The following DGAT2 variants were observed in gnomAD, a reference collection of about 807,000 sequenced individuals.
The protein encoded by DGAT2 is diacylglycerol O-acyltransferase 2, also known as acyl-CoA retinol O-fatty-acyltransferase.
Under a neutral mutation model 48.4 loss-of-function variants are expected in DGAT2, and 33 were observed. That is an observed-to-expected ratio of 0.68 (90% CI 0.52 to 0.91). The LOEUF (loss-of-function observed/expected upper bound fraction) is 0.91, where lower values mean the gene tolerates loss of function less well. DGAT2 is among the 40% of genes least tolerant of loss of function. DGAT2 has a pLI of 0.00. For synonymous variants in DGAT2, 191 were observed against 194.1 expected (o/e 0.98, Z 0.13); for missense variants, 446 against 493.7 (o/e 0.90, Z 0.92).
At chr11:75,797,912 G>A (rs1945073659) in intron 6 of DGAT2, among the ~76,000 whole-genome samples, 1 of 152,190 alleles carries the variant, frequency 6.6e-6, no homozygotes, top group Admixed American at 6.5e-5. Context: ...GTTTGGTGGA[G>A]GGACCAAGAG....
chr11:75,769,144 G>A (rs1328414501), intron 1 of DGAT2, 32 bp downstream of exon 1: 2 of 1,522,642 alleles, frequency 1.3e-6, no homozygotes, highest in Non-Finnish European at 1.7e-6. Flanking sequence ...TTATGGACCT[G>A]CGAGAAGATT....
At chr11:75,790,839 C>A in intron 4 of DGAT2, 108 bp downstream of exon 4, 1 of 1,092,348 alleles carries the variant, frequency 9.2e-7, no homozygotes, top group Non-Finnish European at 1.4e-6. Context: ...TTGGTCTCTT[C>A]ATTTCCTTTC....
At chr11:75,781,926 TGAA>T (rs1211073265) in intron 1 of DGAT2, among the ~76,000 whole-genome samples, 1 of 152,220 alleles carries the variant, frequency 6.6e-6, no homozygotes, top group Non-Finnish European at 1.5e-5. Context: ...TTAGGCACGA[TGAA>T]GAATTTTTAG....
At chr11:75,777,986 G>A (rs1944818794) in intron 1 of DGAT2, among the ~76,000 whole-genome samples, 1 of 152,114 alleles carries the variant, frequency 6.6e-6, no homozygotes, top group Admixed American at 6.5e-5. Flanking sequence ...TCTGACTTGG[G>A]CATCCAGGCC....
Position 75,797,179 on chromosome 11 carries a change from A to T in DGAT2, c.656A>T (p.Asp219Val). 3 of 1,507,840 alleles carry T rather than the reference A, an allele frequency of 2.0e-6. No individual in the cohort carries two copies. The South Asian group carries it at 3.9e-5, about 20-fold the overall frequency. The allele number at this position is 1,507,840 out of a possible 1,614,324, so 93.4% of individuals were successfully genotyped here. The change falls in exon 6 of 8, where the codon GAC becomes GTC. Residue 219 changes from aspartate to valine, a missense_variant. By Grantham distance (152) the Asp-to-Val change is radical (BLOSUM62 -3). Coordinates refer to ENST00000228027, the MANE Select transcript of DGAT2 (RefSeq NM_032564.5). ...TCAGGTATCTGCCCTGTCAGCCGGGACACCATAGACTATTTGCTTTCAAAG... is the reference window on the plus strand; with the variant it reads ...TCAGGTATCTGCCCTGTCAGCCGGGTCACCATAGACTATTTGCTTTCAAAG... The part of the protein sequence containing the change: ...MSGGICPVSR[D>V]TIDYLLSKNG...
chr11:75,792,029 C>G (rs1010205480), intron 4 of DGAT2: 1 of 152,304 alleles, frequency 6.6e-6, no homozygotes, highest in African/African-American at 2.4e-5. Flanking sequence ...TCTCTCACCT[C>G]AGGGGCCAGG....
At chr11:75,790,492 C>T (rs1944975898) in intron 3 of DGAT2, among the ~76,000 whole-genome samples, 169 bp from the exon 4 acceptor site, 1 of 152,072 alleles carries the variant, frequency 6.6e-6, no homozygotes, top group African/African-American at 2.4e-5. Flanking sequence ...CACACTCAGT[C>T]GAGGGTTTGC....
At position 75,784,798 on chromosome 11, in the gene DGAT2, C is replaced by T. The variant is rs773768924; in HGVS notation, c.250+52C>T. ...GGTGGGCAGGCAGTGTCCACTTCCC[C>T]AAAAGAGGTAGAGCAGGAGCCCTGC... On this transcript the variant is annotated intron_variant, in intron 2 of 7. Coordinates refer to ENST00000228027, the MANE Select transcript of DGAT2 (RefSeq NM_032564.5). 4 of 1,610,742 alleles carry T rather than the reference C, an allele frequency of 2.5e-6. No homozygotes were observed. In the South Asian group the frequency reaches 3.3e-5, roughly 13 times the overall value.
At chr11:75,771,053 G>A (rs139081549) in intron 1 of DGAT2, among the ~76,000 whole-genome samples, 2 of 152,238 alleles carry the variant, frequency 1.3e-5, no homozygotes, top group East Asian at 3.9e-4. Context: ...GTTGTGAGCT[G>A]GTGAACAGCC....
chr11:75,777,754 C>T (rs79068845), intron 1 of DGAT2, among the ~76,000 whole-genome samples: 1 of 152,262 alleles, frequency 6.6e-6, no homozygotes, highest in African/African-American at 2.4e-5. Context: ...TTTCGAGAGG[C>T]GTGAGCTGCC....
intron 2 of DGAT2, among the ~76,000 whole-genome samples, chr11:75,788,395 T>C (rs978731486): frequency 6.6e-6 from 1 of 152,230 alleles, no homozygotes; most frequent in Non-Finnish European, 1.5e-5. Flanking sequence ...CCTAGAAACT[T>C]GTCTTCCCTT....
At chr11:75,772,320 C>G (rs1944766826) in intron 1 of DGAT2, among the ~76,000 whole-genome samples, 1 of 152,204 alleles carries the variant, frequency 6.6e-6, no homozygotes, top group Admixed American at 6.5e-5. Flanking sequence ...TTTCCAAACT[C>G]TTCCTCCTGG....
At chr11:75,781,987 A>C (rs184486837) in intron 1 of DGAT2, among the ~76,000 whole-genome samples, 8 of 152,202 alleles carry the variant, frequency 5.3e-5, no homozygotes, top group African/African-American at 1.9e-4. Context: ...TGAAATTTCT[A>C]TACTCCTCCT....
At chr11:75,773,759 A>T (rs1227669071) in intron 1 of DGAT2, 3 of 152,192 alleles carry the variant, frequency 2.0e-5, no homozygotes, top group Non-Finnish European at 4.4e-5. Context: ...GACCAGGGGG[A>T]TGTACACAAG....
At chr11:75,792,570 C>G (rs1257046497) in intron 4 of DGAT2, 12 of 152,188 alleles carry the variant, frequency 7.9e-5, no homozygotes. Flanking sequence ...CCACCTACTC[C>G]CTTCCTGGTG....
At chr11:75,778,188 C>T (rs1271736661) in intron 1 of DGAT2, among the ~76,000 whole-genome samples, 3 of 150,702 alleles carry the variant, frequency 2.0e-5, no homozygotes, top group African/African-American at 7.2e-5. Flanking sequence ...TTCAGGCAGT[C>T]ACTCACCCCC....
At chr11:75,792,748 T>A (rs1041299520) in intron 4 of DGAT2, 1 of 151,618 alleles carries the variant, frequency 6.6e-6, no homozygotes, top group Non-Finnish European at 1.5e-5. Context: ...GGCAGAATCC[T>A]TGGAGAGGAG....
chr11:75,778,283 C>A (rs137874831), intron 1 of DGAT2, among the ~76,000 whole-genome samples: 1 of 152,226 alleles, frequency 6.6e-6, no homozygotes, highest in Admixed American at 6.5e-5. Context: ...AACCACAGTG[C>A]GCACTTTCCT....
At chr11:75,796,872 G>A (rs1194351304) in intron 5 of DGAT2, 2 of 445,374 alleles carry the variant, frequency 4.5e-6, no homozygotes, top group African/African-American at 3.9e-5. Flanking sequence ...TGATGCATTG[G>A]GATCCCCAAC....
Sources: gnomAD v4.1 joint callset for allele counts (sites outside exome capture counted in the v4.1 genomes callset) on GRCh38, gnomAD v4.1.1 for gene constraint, MANE v1.5 for transcripts, NCBI Gene and HGNC (gene_info 2026-07-23, HGNC 2026-07-21) for gene names.